LOC128706665: variants seen among roughly 807,000 people sequenced by gnomAD.
At chr20:10,424,208 A>G in the LOC128706665 span, among the ~76,000 whole-genome samples, 7 of 152,104 alleles carry the variant, frequency 4.6e-5, no homozygotes, top group African/African-American at 1.7e-4. Flanking sequence ...TGACATTGGC[A>G]TATAATGAGA....
At chr20:10,426,003 G>C in the LOC128706665 span, among the ~76,000 whole-genome samples, 1 of 152,152 alleles carries the variant, frequency 6.6e-6, no homozygotes, top group South Asian at 2.1e-4. Context: ...CTTTTGTTAA[G>C]TTTAGAAAAA....
At chr20:10,431,948 C>CGT in the LOC128706665 span, 1,966 of 152,000 alleles carry the variant, frequency 0.013, 28 homozygotes, top group African/African-American at 0.037. Flanking sequence ...TTCTCTAGCA[C>CGT]GTGATTCCTT....
the LOC128706665 span, among the ~76,000 whole-genome samples, chr20:10,418,755 T>C: frequency 6.6e-6 from 1 of 152,188 alleles, no homozygotes; most frequent in Non-Finnish European, 1.5e-5. Context: ...GCCTCCAAAC[T>C]GTTAAGACAT....
At chr20:10,422,797 C>T in the LOC128706665 span, among the ~76,000 whole-genome samples, 112 of 151,734 alleles carry the variant, frequency 7.4e-4, 1 homozygote, top group African/African-American at 2.4e-3. Context: ...CTGCAAGCTC[C>T]GCCTCCCAGG....
the LOC128706665 span, among the ~76,000 whole-genome samples, chr20:10,418,345 T>C: frequency 9.8e-4 from 149 of 152,346 alleles, 1 homozygote; most frequent in Non-Finnish European, 1.9e-3. Flanking sequence ...TTAAAGCCAG[T>C]TGATGGATAC....
chr20:10,433,189 A>G, the LOC128706665 span, among the ~76,000 whole-genome samples: 8 of 152,206 alleles, frequency 5.3e-5, no homozygotes, highest in African/African-American at 1.9e-4. Context: ...TACTTTTAGC[A>G]GAGACCGGGT....
the LOC128706665 span, among the ~76,000 whole-genome samples, chr20:10,414,282 T>TTTTTG: frequency 6.6e-6 from 1 of 150,942 alleles, no homozygotes; most frequent in African/African-American, 2.4e-5. Context: ...TTTTTTTTTT[T>TTTTTG]GAGATGGAGT....
the LOC128706665 span, among the ~76,000 whole-genome samples, chr20:10,424,630 G>A: frequency 1.8e-3 from 272 of 152,190 alleles, 7 homozygotes; most frequent in South Asian, 0.045. Context: ...GGTAGTTAGC[G>A]AGGTAATGTG....
At chr20:10,429,358 GA>G in the LOC128706665 span, among the ~76,000 whole-genome samples, 1 of 152,096 alleles carries the variant, frequency 6.6e-6, no homozygotes, top group Non-Finnish European at 1.5e-5. Flanking sequence ...CCTTATCAAA[GA>G]TCTGTCTTTG....
chr20:10,427,081 A>ACACACACACACACACAC, the LOC128706665 span, among the ~76,000 whole-genome samples: 3 of 85,794 alleles, frequency 3.5e-5, no homozygotes, highest in Admixed American at 1.1e-4. Flanking sequence ...CACACACACA[A>ACACACACACACACACAC]AGTAAGGTTA....
At chr20:10,416,989 T>A in the LOC128706665 span, among the ~76,000 whole-genome samples, 2 of 152,162 alleles carry the variant, frequency 1.3e-5, no homozygotes, top group African/African-American at 4.8e-5. Context: ...GAAAAAAAGT[T>A]TGCCAATTTC....
chr20:10,430,878 G>C, the LOC128706665 span, among the ~76,000 whole-genome samples: 2 of 152,208 alleles, frequency 1.3e-5, no homozygotes, highest in African/African-American at 4.8e-5. Flanking sequence ...CTGAAACTTG[G>C]TCGACATTTT....
the LOC128706665 span, among the ~76,000 whole-genome samples, chr20:10,422,048 C>T: frequency 6.6e-6 from 1 of 151,962 alleles, no homozygotes; most frequent in Non-Finnish European, 1.5e-5. Flanking sequence ...TTCTTATTCC[C>T]CCTTTTAAGA....
At chr20:10,424,885 C>G in the LOC128706665 span, among the ~76,000 whole-genome samples, 1 of 151,904 alleles carries the variant, frequency 6.6e-6, no homozygotes, top group African/African-American at 2.4e-5. Flanking sequence ...AACCCTGTCT[C>G]TACTAAAAAT....
the LOC128706665 span, among the ~76,000 whole-genome samples, chr20:10,423,925 A>C: frequency 6.6e-6 from 1 of 152,222 alleles, no homozygotes; most frequent in Non-Finnish European, 1.5e-5. Flanking sequence ...TTTAATGTTT[A>C]CTGAACATCT....
the LOC128706665 span, among the ~76,000 whole-genome samples, chr20:10,415,134 C>CA: frequency 6.6e-6 from 1 of 152,162 alleles, no homozygotes. Context: ...AAATTCCTGA[C>CA]ACATTAATAA....
chr20:10,427,037 C>CACAGACACACACACAG, the LOC128706665 span, among the ~76,000 whole-genome samples: 2 of 67,914 alleles, frequency 2.9e-5, no homozygotes, highest in Non-Finnish European at 5.1e-5. Context: ...CTGACACACA[C>CACAGACACACACACAG]ACACACACAC....
At chr20:10,428,614 G>T in the LOC128706665 span, among the ~76,000 whole-genome samples, 5 of 152,164 alleles carry the variant, frequency 3.3e-5, no homozygotes, top group African/African-American at 1.2e-4. Flanking sequence ...TGAGGAAGGT[G>T]GATCACTTGA....
chr20:10,421,123 A>T, the LOC128706665 span, among the ~76,000 whole-genome samples: 1 of 152,084 alleles, frequency 6.6e-6, no homozygotes, highest in Non-Finnish European at 1.5e-5. Flanking sequence ...TTTTTAAATT[A>T]TATTTTTTAA....
Sources: gnomAD v4.1 joint callset for allele counts (sites outside exome capture counted in the v4.1 genomes callset) on GRCh38, gnomAD v4.1.1 for gene constraint, MANE v1.5 for transcripts.